NEK11: variants seen among roughly 807,000 people sequenced by gnomAD.
NEK11 encodes NIMA related kinase 11.
In NEK11, 72 loss-of-function variants were observed where a neutral mutation model predicts 80.7. That is an observed-to-expected ratio of 0.89 (90% CI 0.74 to 1.08). NEK11 has a LOEUF of 1.08. Among genes scored for constraint, NEK11 ranks in the 50% least tolerant of loss-of-function variants. NEK11 has a pLI of 0.00. For missense variants in NEK11, 764 were observed against 763.6 expected (o/e 1.00, Z -0.01); for synonymous variants, 251 against 260.7 (o/e 0.96, Z 0.36).
At chr3:131,271,654 G>C (rs2096187841) in intron 16 of NEK11, among the ~76,000 whole-genome samples, 1 of 151,838 alleles carries the variant, frequency 6.6e-6, no homozygotes. Flanking sequence ...AATTAGCTGG[G>C]CTTGGTGGCG....
chr3:131,228,161 A>G (rs1269814157), intron 14 of NEK11, among the ~76,000 whole-genome samples: 1 of 152,172 alleles, frequency 6.6e-6, no homozygotes, highest in East Asian at 1.9e-4. Flanking sequence ...GTGTTGTGTA[A>G]TAGGACCCTT....
intron 14 of NEK11, among the ~76,000 whole-genome samples, chr3:131,182,140 G>GAAAAAAAAAAAA (rs371262385): frequency 8.2e-6 from 1 of 121,642 alleles, no homozygotes; most frequent in Non-Finnish European, 1.8e-5. Flanking sequence ...CACATCTCCA[G>GAAAAAAAAAAAA]AAAAAAAAAA....
At chr3:131,327,830 T>G (rs1359312311) in intron 17 of NEK11, 1 of 151,988 alleles carries the variant, frequency 6.6e-6, no homozygotes, top group African/African-American at 2.4e-5. Flanking sequence ...CTTCTCAAAG[T>G]CCTGTTCTCT....
intron 16 of NEK11, among the ~76,000 whole-genome samples, chr3:131,270,629 A>G (rs1358970889): frequency 3.3e-5 from 5 of 152,336 alleles, no homozygotes; most frequent in East Asian, 3.9e-4. Flanking sequence ...AAGTTGGCCA[A>G]TAAGAAACAC....
chr3:131,291,979 T>C (rs1461922907), intron 17 of NEK11, among the ~76,000 whole-genome samples: 1 of 152,226 alleles, frequency 6.6e-6, no homozygotes, highest in African/African-American at 2.4e-5. Flanking sequence ...TTGTTGTATC[T>C]AAAAAGTCAT....
chr3:131,327,571 C>A (rs1239862862), intron 17 of NEK11: 2 of 152,134 alleles, frequency 1.3e-5, no homozygotes, highest in Admixed American at 1.3e-4. Flanking sequence ...GAGGGTAGAT[C>A]ATATTTTATT....
At chr3:131,142,231 T>C (rs1305139627) in intron 7 of NEK11, among the ~76,000 whole-genome samples, 1 of 152,222 alleles carries the variant, frequency 6.6e-6, no homozygotes, top group Non-Finnish European at 1.5e-5. Flanking sequence ...AAGCAAGTCC[T>C]ATGCCAATTC....
intron 5 of NEK11, among the ~76,000 whole-genome samples, chr3:131,117,124 T>C (rs1486747459): frequency 6.6e-6 from 1 of 152,196 alleles, no homozygotes; most frequent in Non-Finnish European, 1.5e-5. Context: ...AACAGTTAAG[T>C]CTTTAATCCA....
intron 17 of NEK11, among the ~76,000 whole-genome samples, chr3:131,315,045 T>G (rs2096822503): frequency 6.6e-6 from 1 of 152,216 alleles, no homozygotes; most frequent in South Asian, 2.1e-4. Context: ...TGTACCTTGA[T>G]ATACACATAC....
At chr3:131,225,867 C>T (rs371338514) in intron 14 of NEK11, among the ~76,000 whole-genome samples, 4 of 151,930 alleles carry the variant, frequency 2.6e-5, no homozygotes, top group Non-Finnish European at 4.4e-5. Flanking sequence ...ACTTTTGTTT[C>T]GACTATAAAG....
intron 4 of NEK11, among the ~76,000 whole-genome samples, chr3:131,101,838 T>G (rs1041121778): frequency 2.0e-5 from 3 of 152,192 alleles, no homozygotes; most frequent in African/African-American, 7.2e-5. Flanking sequence ...CTCACTGTAT[T>G]ACTATGTGTT....
intron 5 of NEK11, among the ~76,000 whole-genome samples, chr3:131,121,701 C>A (rs1398167055): frequency 6.6e-6 from 1 of 152,202 alleles, no homozygotes; most frequent in African/African-American, 2.4e-5. Flanking sequence ...GCCCCTCCCC[C>A]AGCCTCGCTG....
intron 4 of NEK11, chr3:131,109,473 C>T (rs965425390): frequency 1.2e-5 from 2 of 171,286 alleles, no homozygotes; most frequent in African/African-American, 4.7e-5. Context: ...AAGAAACTGT[C>T]AATTCTTCTG....
At position 131,098,824 on chromosome 3, in the gene NEK11, TG is replaced by T. The variant is rs1357302096; in HGVS notation, c.337-10978del. ...CTCCTGACCTTTGCCTACTTTTAAA[TG>T]TTTTTTTTTTTCTTCCTTGTTGATT... is the stretch of plus-strand genomic sequence containing the variant. On this transcript the variant is annotated intron_variant, in intron 4 of 17. Transcript: ENST00000383366. Among the ~76,000 whole-genome samples the T allele has an allele frequency of 2.1e-5, 3 of 144,874 alleles. No individual in the cohort carries two copies. In the East Asian group the frequency reaches 6.0e-4, roughly 29 times the overall value.
chr3:131,229,753 G>A (rs1259937670), intron 15 of NEK11, among the ~76,000 whole-genome samples: 1 of 151,950 alleles, frequency 6.6e-6, no homozygotes, highest in African/African-American at 2.4e-5. Flanking sequence ...GTACAGGTAT[G>A]GGGCCAAGCA....
At chr3:131,210,080 T>G (rs2094563681) in intron 14 of NEK11, among the ~76,000 whole-genome samples, 2 of 152,230 alleles carry the variant, frequency 1.3e-5, no homozygotes, top group South Asian at 4.1e-4. Context: ...GATGTTAAGG[T>G]GTCAATTTTA....
intron 15 of NEK11, among the ~76,000 whole-genome samples, chr3:131,239,086 C>G (rs2095481036): frequency 6.6e-6 from 1 of 151,746 alleles, no homozygotes; most frequent in African/African-American, 2.4e-5. Context: ...TCAAGAAGGT[C>G]TGGATACACT....
intron 14 of NEK11, among the ~76,000 whole-genome samples, chr3:131,181,052 C>T (rs1322873711): frequency 6.6e-6 from 1 of 152,188 alleles, no homozygotes; most frequent in Non-Finnish European, 1.5e-5. Flanking sequence ...TGTCCTAAGG[C>T]TGTCCTAATC....
At chr3:131,202,069 A>G (rs1014319211) in intron 14 of NEK11, among the ~76,000 whole-genome samples, 3 of 152,084 alleles carry the variant, frequency 2.0e-5, no homozygotes, top group Non-Finnish European at 4.4e-5. Context: ...TCCTGACCTC[A>G]TGATCCACCC....
Sources: allele counts gnomAD v4.1 joint callset (sites outside exome capture counted in the v4.1 genomes callset), GRCh38; gene constraint gnomAD v4.1.1; transcripts MANE v1.5; gene names NCBI Gene and HGNC (gene_info 2026-07-23, HGNC 2026-07-21).